Variants in ZFYVE9 observed in about 807,000 individuals in gnomAD.
ZFYVE9 encodes the protein zinc finger FYVE-type containing 9.
In ZFYVE9, 43 loss-of-function variants were observed where a neutral mutation model predicts 126.7. That is an observed-to-expected ratio of 0.34 (90% confidence interval 0.27 to 0.44). ZFYVE9 has a LOEUF of 0.44. ZFYVE9 is among the 20% of genes least tolerant of loss of function. The pLI, the probability that ZFYVE9 is intolerant of heterozygous loss-of-function variation, is 1.00. For missense variants in ZFYVE9, 1,476 were observed against 1,697.0 expected (o/e 0.87, Z 2.29); for synonymous variants, 521 against 597.4 (o/e 0.87, Z 1.87).
chr1:52,284,247 A>G (rs1349173459), intron 10 of ZFYVE9, among the ~76,000 whole-genome samples: 1 of 152,152 alleles, frequency 6.6e-6, no homozygotes. Flanking sequence ...GATAGATCTG[A>G]GTTAAAATAC....
chr1:52,303,776 C>A, intron 12 of ZFYVE9, 45 bp from the exon 13 acceptor site: 2 of 1,229,862 alleles, frequency 1.6e-6, no homozygotes, highest in Non-Finnish European at 2.2e-6. Context: ...TTAAACCCTA[C>A]CATTGATGAA....
chr1:52,345,490 ATATT>A (rs1183091042), intron 18 of ZFYVE9, among the ~76,000 whole-genome samples: 38 of 152,296 alleles, frequency 2.5e-4, no homozygotes, highest in African/African-American at 8.4e-4. Context: ...CAATCAACAA[ATATT>A]TATTTTCTGC....
chr1:52,279,360 T>C (rs1645779835), intron 9 of ZFYVE9, among the ~76,000 whole-genome samples: 1 of 152,168 alleles, frequency 6.6e-6, no homozygotes, highest in Admixed American at 6.5e-5. Flanking sequence ...GGAAAAGTGT[T>C]AACTAACACA....
At position 52,226,755 on chromosome 1, in the gene ZFYVE9, G is replaced by A. The variant is rs1399285757; in HGVS notation, c.-36-6416G>A. Among the ~76,000 whole-genome samples the A allele has an allele frequency of 2.0e-5, 3 of 152,284 alleles. No homozygotes were observed. The East Asian group carries it at 5.8e-4, about 29-fold the overall frequency. ...TGTAAGATGAACATTGGTTCTGTCC[G>A]GAAAGGCGGGACAATTCAAAGCAAA... On this transcript the variant is annotated intron_variant, in intron 2 of 18. Coordinates refer to ENST00000287727, the MANE Select transcript of ZFYVE9 (RefSeq NM_004799.4).
At chr1:52,169,171 C>T (rs191073279) in intron 1 of ZFYVE9, among the ~76,000 whole-genome samples, 184 of 152,204 alleles carry the variant, frequency 1.2e-3, no homozygotes, top group Non-Finnish European at 1.9e-3. Flanking sequence ...GAGGCAGAGG[C>T]GGGTAGATTG....
At chr1:52,144,215 A>G (rs1644287744) in intron 1 of ZFYVE9, among the ~76,000 whole-genome samples, 1 of 152,146 alleles carries the variant, frequency 6.6e-6, no homozygotes, top group Non-Finnish European at 1.5e-5. Flanking sequence ...GCTACTCGGG[A>G]GGCTGAGGCA....
rs376354655 is a variant in ZFYVE9, at chr1:52,237,554, G to A, written c.137G>A (p.Arg46Gln). 37 of 1,613,704 alleles carry A rather than the reference G, an allele frequency of 2.3e-5. No individual in the cohort carries two copies. The highest frequency in any genetic ancestry group is 6.6e-5 in the South Asian group (6 of 91,064). ...AAGATTCTAGATCCCCCTTCTCACC[G>A]GCTGTCATTTAACCCTACTTTGGCC... ...WNKILDPPSH[R>Q]LSFNPTLASV... is the part of the protein sequence containing the mutation. Residue 46 changes from arginine (R) to glutamine (Q), a missense_variant, in exon 4 of 19, where the codon CGG (arginine) becomes CAG (glutamine). Arg to Gln is a conservative substitution (Grantham distance 43). This residue lies in a region of ZFYVE9 where 807 missense variants were observed against 794.6 expected (regional missense o/e 1.02). Coordinates refer to ENST00000287727, the MANE Select transcript of ZFYVE9 (RefSeq NM_004799.4).
intron 3 of ZFYVE9, among the ~76,000 whole-genome samples, chr1:52,237,053 A>G (rs1190937855): frequency 6.6e-6 from 1 of 152,140 alleles, no homozygotes; most frequent in African/African-American, 2.4e-5. Context: ...CCACATCCTA[A>G]TTATGATACA....
chr1:52,248,562 CACTTAAT>C (rs1053611000), intron 4 of ZFYVE9, among the ~76,000 whole-genome samples: 1 of 152,182 alleles, frequency 6.6e-6, no homozygotes, highest in African/African-American at 2.4e-5. Flanking sequence ...GTCAAGTTAA[CACTTAAT>C]ACTAATCATC....
intron 2 of ZFYVE9, among the ~76,000 whole-genome samples, chr1:52,229,428 A>G (rs1015871973): frequency 2.0e-5 from 3 of 152,194 alleles, no homozygotes; most frequent in African/African-American, 4.8e-5. Flanking sequence ...TCCTTCTTTG[A>G]AATTAGTGAT....
chr1:52,166,614 A>AT (rs2124518634), intron 1 of ZFYVE9, among the ~76,000 whole-genome samples: 1 of 152,212 alleles, frequency 6.6e-6, no homozygotes, highest in African/African-American at 2.4e-5. Flanking sequence ...TACCCTGATG[A>AT]TTAAAAAAAA....
intron 13 of ZFYVE9, among the ~76,000 whole-genome samples, chr1:52,310,131 C>T (rs1051394116): frequency 1.3e-5 from 2 of 151,956 alleles, no homozygotes; most frequent in Non-Finnish European, 2.9e-5. Flanking sequence ...ACCATCATGT[C>T]CGGCCAAATT....
chr1:52,327,047 G>A (rs1366915216), intron 13 of ZFYVE9, among the ~76,000 whole-genome samples: 1 of 152,032 alleles, frequency 6.6e-6, no homozygotes, highest in Non-Finnish European at 1.5e-5. Flanking sequence ...TGTAGTCCCA[G>A]CTACTCGGGA....
intron 15 of ZFYVE9, 115 bp from the exon 16 acceptor site, chr1:52,337,657 G>GT: frequency 8.3e-7 from 1 of 1,209,964 alleles, no homozygotes; most frequent in Non-Finnish European, 1.2e-6. Flanking sequence ...CAAAACCTCT[G>GT]TATCAGTCAG....
intron 15 of ZFYVE9, among the ~76,000 whole-genome samples, chr1:52,336,732 A>G (rs977705603): frequency 3.9e-5 from 6 of 152,144 alleles, no homozygotes; most frequent in African/African-American, 1.4e-4. Context: ...AGTGTTGACT[A>G]TAGTTGAAAT....
rs1467583773 is a variant in ZFYVE9 at position 52,263,814 on chromosome 1, A to G, written c.2220A>G (p.Leu740=). Residue 740 remains leucine, a synonymous_variant, in exon 5 of 19, where the codon TTA becomes TTG. Transcript: ENST00000287727. ...GCTGTAGCCTGAAATGTAAACTGTTATACATGGACAGAAAGGAAGCTAGAG... is the reference window on the plus strand; with the variant it reads ...GCTGTAGCCTGAAATGTAAACTGTTGTACATGGACAGAAAGGAAGCTAGAG... The part of the protein sequence containing the change: ...ASCCSLKCKL[L]YMDRKEARVC... The G allele has an allele frequency of 2.1e-6, 3 of 1,419,954 alleles. No homozygotes were observed. In the East Asian group the frequency reaches 1.0e-4, roughly 49 times the overall value. 88.0% of individuals were successfully genotyped at this position (1,419,954 alleles called of 1,614,324 possible).
intron 7 of ZFYVE9, among the ~76,000 whole-genome samples, chr1:52,269,190 C>T (rs892295705): frequency 1.3e-5 from 2 of 152,130 alleles, no homozygotes; most frequent in South Asian, 4.1e-4. Flanking sequence ...AGTACAGTGG[C>T]GTGATCTTGG....
intron 8 of ZFYVE9, among the ~76,000 whole-genome samples, chr1:52,278,063 C>T (rs564158010): frequency 3.9e-4 from 60 of 152,250 alleles, no homozygotes; most frequent in African/African-American, 1.4e-3. Context: ...AGGTAGGGCT[C>T]TCTTCTACCC....
intron 13 of ZFYVE9, among the ~76,000 whole-genome samples, chr1:52,318,410 GTGTGTA>G (rs1646207289): frequency 8.9e-6 from 1 of 112,384 alleles, no homozygotes; most frequent in African/African-American, 2.8e-5. Context: ...GTGTGTGTGT[GTGTGTA>G]TCTTGGCAAT....
Sources: allele counts gnomAD v4.1 joint callset (sites outside exome capture counted in the v4.1 genomes callset), GRCh38; gene constraint gnomAD v4.1.1; regional missense constraint gnomAD v4.1.1; transcripts MANE v1.5; gene names NCBI Gene and HGNC (gene_info 2026-07-23, HGNC 2026-07-21).